PYGM: variants seen among roughly 807,000 people sequenced by gnomAD.
The protein encoded by PYGM is glycogen phosphorylase, muscle form.
A neutral mutation model predicts 99.3 loss-of-function variants in PYGM; 81 were observed. The ratio of observed to expected loss-of-function variants is 0.82; its 90% CI spans 0.68 to 0.98. The LOEUF (loss-of-function observed/expected upper bound fraction) is 0.98. Among genes scored for constraint, PYGM ranks in the 50% least tolerant of loss-of-function variants. The pLI, the probability that PYGM is intolerant of heterozygous loss-of-function variation, is 0.00. For missense variants in PYGM, 1,030 were observed against 1,158.1 expected, an observed-to-expected ratio of 0.89 and a Z score of 1.61; for synonymous variants, 436 against 451.5, an observed-to-expected ratio of 0.97 and a Z score of 0.44.
At chr11:64,752,317 C>T in intron 13 of PYGM, 86 bp downstream of exon 13, 1 of 1,502,390 alleles carries the variant, frequency 6.7e-7, no homozygotes, top group South Asian at 1.1e-5. Flanking sequence ...GAGAGATGAG[C>T]TCTATTTGCC....
At chr11:64,752,209 G>T in intron 13 of PYGM, 138 bp from the exon 14 acceptor site, 1 of 1,374,540 alleles carries the variant, frequency 7.3e-7, no homozygotes, top group Non-Finnish European at 1.0e-6. Context: ...TACCAGGGCA[G>T]ACATTGCTAA....
chr11:64,759,029 C>A (rs2058415399), intron 1 of PYGM, among the ~76,000 whole-genome samples: 1 of 564 alleles, frequency 1.8e-3, no homozygotes. Flanking sequence ...AGAAAAAAGT[C>A]ATTTGCTCAA....
rs909610007 is a variant in PYGM, at chr11:64,751,813, A to G, written c.1768+111T>C. 3.2e-6 allele frequency: 5 copies of G among 1,541,980 alleles called. No individual in the cohort carries two copies. The South Asian group carries it at 3.4e-5, about 10-fold the overall frequency. On this transcript the variant is annotated intron_variant, in intron 14 of 19. Coordinates refer to ENST00000164139, the MANE Select transcript of PYGM (RefSeq NM_005609.4). Reference sequence around the variant, plus strand: ...CCATCTGTGAAATGGGGATAATTCCATGTCCCAAGAGTAGTCCCAAGTCCA... The same window carrying G: ...CCATCTGTGAAATGGGGATAATTCCGTGTCCCAAGAGTAGTCCCAAGTCCA...
At position 64,754,012 on chromosome 11, in the gene PYGM, G is replaced by A. The variant is rs770807547; in HGVS notation, c.1106C>T (p.Thr369Ile). 5.6e-6 allele frequency: 9 copies of A among 1,603,938 alleles called. No individual in the cohort carries two copies. In the Admixed American group the frequency reaches 1.5e-4, roughly 27 times the overall value. Residue 369 changes from threonine to isoleucine, a missense_variant, in exon 10 of 20, where the codon ACA (threonine) becomes ATA (isoleucine). Coordinates refer to ENST00000164139, the MANE Select transcript of PYGM (RefSeq NM_005609.4). This position sits in a 1 kb window ranked among gnomAD's most constrained non-coding sequence, Gnocchi z 5.5. Reference sequence around the variant, plus strand: ...GTTGGTGTAGGCACAGGTCCTCACTGTCACATCCCACGCCTGGCACACGGG... The same window carrying A: ...GTTGGTGTAGGCACAGGTCCTCACTATCACATCCCACGCCTGGCACACGGG... Reference protein sequence around the residue: ...RMDWDKAWDVTVRTCAYTNHT... With the variant: ...RMDWDKAWDVIVRTCAYTNHT...
At chr11:64,752,191 C>T (rs2058361539) in intron 13 of PYGM, 120 bp from the exon 14 acceptor site, 1 of 1,430,318 alleles carries the variant, frequency 7.0e-7, no homozygotes, top group Non-Finnish European at 9.8e-7. Flanking sequence ...TACTTCTGTC[C>T]ACTCCTGTAC....
At position 64,758,267 on chromosome 11, in the gene PYGM, C is replaced by T. The variant is rs2058407346; in HGVS notation, c.507G>A (p.Gln169=). 6.2e-7 allele frequency: 1 copy of T among 1,613,746 alleles called. No individual in the cohort carries two copies. The highest frequency in any genetic ancestry group is 1.3e-5 in the African/African-American group (1 of 74,924). ...TCACCTGCCAGCCCCCGGAGATCTT[C>T]TGGTTAAAAATCCCAAACTCATAGC... The part of the protein sequence containing the change: ...GIRYEFGIFN[Q]KISGGWQMEE... The change falls in exon 4 of 20, where the codon CAG becomes CAA. Residue 169 remains glutamine, a synonymous_variant. Coordinates refer to ENST00000164139, the MANE Select transcript of PYGM (RefSeq NM_005609.4).
chr11:64,754,484 T>C lies in PYGM; in HGVS notation c.1000-139A>G, dbSNP rs1396758900. ...GTGGGCAGAGGCAGGCCGGTGCTCA[T>C]GGGGGTGGGAGGAATGGGGGGAGTG... On this transcript the variant is annotated intron_variant, in intron 8 of 19. Transcript: ENST00000164139. This position sits in a 1 kb window ranked among gnomAD's most constrained non-coding sequence, Gnocchi z 5.5. 1 of 330,952 alleles carries C rather than the reference T, an allele frequency of 3.0e-6. No homozygotes were observed. The highest frequency in any genetic ancestry group is 7.0e-5 in the African/African-American group (1 of 14,352). The allele number at this position is 330,952 out of a possible 1,614,324, so 20.5% of individuals were successfully genotyped here.
rs2058381001 is a variant in PYGM at position 64,754,478 on chromosome 11, T to G, written c.1000-133A>C. 1 of 651,584 alleles carries G rather than the reference T, an allele frequency of 1.5e-6. No individual in the cohort carries two copies. Among genetic ancestry groups the G allele is most frequent in the African/African-American group, 2.3e-5 (1 of 43,506 alleles). 40.4% of individuals were successfully genotyped at this position (651,584 alleles called of 1,614,324 possible). Reference sequence around the variant, plus strand: ...TGGGCTGTGGGCAGAGGCAGGCCGGTGCTCATGGGGGTGGGAGGAATGGGG... The same window carrying G: ...TGGGCTGTGGGCAGAGGCAGGCCGGGGCTCATGGGGGTGGGAGGAATGGGG... On this transcript the variant is annotated intron_variant, in intron 8 of 19. Coordinates refer to ENST00000164139, the MANE Select transcript of PYGM (RefSeq NM_005609.4). This position sits in a 1 kb window ranked among gnomAD's most constrained non-coding sequence, Gnocchi z 5.5.
chr11:64,753,846 C>G, intron 10 of PYGM, 33 bp downstream of exon 10: 2 of 1,552,974 alleles, frequency 1.3e-6, no homozygotes, highest in Non-Finnish European at 1.7e-6. Flanking sequence ...TCCCCCCTCA[C>G]CCCCACACCA....
At chr11:64,750,035 G>T (rs936347507) in intron 17 of PYGM, among the ~76,000 whole-genome samples, 1 of 152,064 alleles carries the variant, frequency 6.6e-6, no homozygotes, top group South Asian at 2.1e-4. Context: ...CTTGTGATCC[G>T]CCCGCCTTGG....
Position 64,746,440 on chromosome 11 carries a change from C to T in PYGM, c.*219G>A. 3.2e-6 allele frequency: 2 copies of T among 628,196 alleles called. No individual in the cohort carries two copies. Among genetic ancestry groups the T allele is most frequent in the South Asian group, 3.8e-5 (2 of 52,760 alleles). 38.9% of individuals were successfully genotyped at this position (628,196 alleles called of 1,614,324 possible). On this transcript the variant is annotated 3_prime_UTR_variant, in exon 20 of 20. Transcript: ENST00000164139. ...TTATTAGGGAGTGGGTGCAGTTGGT[C>T]AGACCCCATAAATAGGAGGGGACCG...
Position 64,753,223 on chromosome 11 carries a change from C to G in PYGM, c.1404-36G>C, listed in dbSNP as rs770316729. On this transcript the variant is annotated intron_variant, in intron 11 of 19. Coordinates refer to ENST00000164139, the MANE Select transcript of PYGM (RefSeq NM_005609.4). ...AGGTTGGACGAGGGTCACCACTCACCCCTGTACAATGAAGGCCTCTGCCCT... is the reference window on the plus strand; with the variant it reads ...AGGTTGGACGAGGGTCACCACTCACGCCTGTACAATGAAGGCCTCTGCCCT... 4 of 1,551,536 alleles carry G rather than the reference C, an allele frequency of 2.6e-6. No homozygotes were observed. The South Asian group carries it at 4.5e-5, about 17-fold the overall frequency.
chr11:64,759,317 G>C (rs2058417402), intron 1 of PYGM, among the ~76,000 whole-genome samples: 3 of 152,026 alleles, frequency 2.0e-5, no homozygotes, highest in African/African-American at 7.2e-5. Flanking sequence ...AGCCCCGCCT[G>C]CTGCACAGGC....
rs377401213 is a variant in PYGM at position 64,746,792 on chromosome 11, G to A, written c.2396C>T (p.Thr799Met). 9.3e-6 allele frequency: 15 copies of A among 1,613,982 alleles called. No homozygotes were observed. Among genetic ancestry groups the A allele is most frequent in the Middle Eastern group, 1.6e-4 (1 of 6,084 alleles). ...GGCTATGTTCCGGATCACCATCCGC[G>A]TCCACTCTCTTGGGTTCTGCAGGTC... is the stretch of plus-strand genomic sequence containing the variant. The part of the protein sequence containing the change: ...SALYKNPREW[T>M]RMVIRNIATS... Residue 799 changes from threonine to methionine, a missense_variant, in exon 20 of 20, where the codon ACG becomes ATG. Thr to Met is a moderately conservative substitution (Grantham distance 81, BLOSUM62 -1). Coordinates refer to ENST00000164139, the MANE Select transcript of PYGM (RefSeq NM_005609.4).
Position 64,753,904 on chromosome 11 carries a change from T to G in PYGM, c.1214A>C (p.Tyr405Ser). 1 of 1,586,010 alleles carries G rather than the reference T, an allele frequency of 6.3e-7. No homozygotes were observed. The highest frequency in any genetic ancestry group is 8.6e-7 in the Non-Finnish European group (1 of 1,165,760). Residue 405 changes from tyrosine to serine, a missense_variant, in exon 10 of 20, where the codon TAC (tyrosine) becomes TCC (serine). By Grantham distance (144) the Tyr-to-Ser change is moderately radical. Transcript: ENST00000164139. The stretch of plus-strand genomic sequence containing the variant: ...GTTGAGGAAGCGCTGGTTGATCTCG[T>G]AGATGATCTGGAGGTGCCGCGGCAG... ...TLLPRHLQII[Y>S]EINQRFLNRV...
chr11:64,753,590 G>T lies in PYGM; in HGVS notation c.1332C>A (p.His444Gln), dbSNP rs1238546894. 1.2e-6 allele frequency: 2 copies of T among 1,607,730 alleles called. No individual in the cohort carries two copies. The highest frequency in any genetic ancestry group is 1.7e-5 in the Admixed American group (1 of 59,716). ...EGAVKRINMA[H>Q]LCIAGSHAVN... Reference sequence around the variant, plus strand: ...CGGCGTGCGACCCCGCGATGCACAGGTGTGCCATGTTGATGCGCTTCACTG... The same window carrying T: ...CGGCGTGCGACCCCGCGATGCACAGTTGTGCCATGTTGATGCGCTTCACTG... The change falls in exon 11 of 20, where the codon CAC becomes CAA. Residue 444 changes from histidine to glutamine, a missense_variant. Coordinates refer to ENST00000164139, the MANE Select transcript of PYGM (RefSeq NM_005609.4).
At position 64,755,263 on chromosome 11, in the gene PYGM, G is replaced by T. The variant is rs780270624; in HGVS notation, c.855+10C>A. The T allele has an allele frequency of 2.3e-5, 37 of 1,613,108 alleles. 1 individual carries two copies. The highest frequency in any genetic ancestry group is 3.1e-5 in the Non-Finnish European group (37 of 1,179,188). On this transcript the variant is annotated intron_variant, in intron 7 of 19. Coordinates refer to ENST00000164139, the MANE Select transcript of PYGM (RefSeq NM_005609.4). The surrounding 1 kb of genome is among the most constrained non-coding windows in gnomAD (Gnocchi z 4.1). ...CAGGCTTCCAGCCCCCAGCCCAGGG[G>T]GTGACGCACATTATCATTGGGGTAC...
In PYGM at chr11:64,754,687, T is replaced by C; in HGVS notation, c.999+6A>G. The C allele has an allele frequency of 1.2e-6, 2 of 1,613,196 alleles. No individual in the cohort carries two copies. Among genetic ancestry groups the C allele is most frequent in the Non-Finnish European group, 1.7e-6 (2 of 1,179,908 alleles). On this transcript the variant is annotated splice_donor_region_variant and intron_variant, in intron 8 of 19. Coordinates refer to ENST00000164139, the MANE Select transcript of PYGM (RefSeq NM_005609.4). This position sits in a 1 kb window ranked among gnomAD's most constrained non-coding sequence, Gnocchi z 5.5. The stretch of plus-strand genomic sequence containing the variant: ...GTCACAGAGTCGCCCTCCACACGCA[T>C]GGTACCTTATCTGGGAAGGCATCGA...
chr11:64,753,077 G>A lies in PYGM; in HGVS notation c.1514C>T (p.Ala505Val), dbSNP rs544460202. The A allele has an allele frequency of 1.9e-6, 3 of 1,610,308 alleles. No individual in the cohort carries two copies. Among genetic ancestry groups the A allele is most frequent in the African/African-American group, 1.3e-5 (1 of 74,962 alleles). Residue 505 changes from alanine (A) to valine (V), a missense_variant, in exon 12 of 20, where the codon GCT becomes GTT. Coordinates refer to ENST00000164139, the MANE Select transcript of PYGM (RefSeq NM_005609.4). ...GGCCCTACGGTGGCCTCTCACCTCA[G>A]CAATGACCTCTGCCAGCCCGGGGTT... ...LCNPGLAEVI[A>V]ERIGEDFISD...
Sources: allele counts gnomAD v4.1 joint callset (sites outside exome capture counted in the v4.1 genomes callset), GRCh38; gene constraint gnomAD v4.1.1; non-coding constraint Gnocchi (gnomAD v3.1); transcripts MANE v1.5; gene names NCBI Gene and HGNC (gene_info 2026-07-23, HGNC 2026-07-21).